FMO1: variants seen among roughly 807,000 people sequenced by gnomAD.
FMO1 encodes flavin-containing monooxygenase 1.
In FMO1, 36 loss-of-function variants were observed where a neutral mutation model predicts 45.4. That is an observed-to-expected ratio of 0.79 (90% CI 0.61 to 1.05). The LOEUF (loss-of-function observed/expected upper bound fraction) is 1.05. Ranked by LOEUF, FMO1 falls within the 50% of genes least tolerant of loss-of-function variation. FMO1 has a pLI of 0.00. For missense variants in FMO1, 615 were observed against 640.3 expected (o/e 0.96, Z 0.43); for synonymous variants, 228 against 227.2 (o/e 1.00, Z -0.03).
intron 2 of FMO1, among the ~76,000 whole-genome samples, chr1:171,260,271 G>A (rs940322598): frequency 1.4e-4 from 21 of 152,154 alleles, no homozygotes; most frequent in Non-Finnish European, 2.6e-4. Flanking sequence ...CCTGGTTGTC[G>A]CGTTTGTTTT....
chr1:171,277,917 A>G (rs1661176184), intron 4 of FMO1, among the ~76,000 whole-genome samples: 1 of 152,216 alleles, frequency 6.6e-6, no homozygotes, highest in African/African-American at 2.4e-5. Flanking sequence ...TTTTTTAGGA[A>G]AAAAGAAGTT....
intron 2 of FMO1, among the ~76,000 whole-genome samples, chr1:171,263,214 T>A (rs2101807870): frequency 6.6e-6 from 1 of 152,326 alleles, no homozygotes; most frequent in Admixed American, 6.5e-5. Flanking sequence ...GAGGCATTGT[T>A]CCATTAGTAC....
intron 1 of FMO1, among the ~76,000 whole-genome samples, chr1:171,253,548 G>A (rs1238751585): frequency 6.6e-6 from 1 of 152,026 alleles, no homozygotes; most frequent in African/African-American, 2.4e-5. Context: ...GATCACCTGA[G>A]GTCGGGAGTT....
At chr1:171,278,612 T>C (rs1369007848) in intron 4 of FMO1, 117 bp from the exon 5 acceptor site, 3 of 682,724 alleles carry the variant, frequency 4.4e-6, no homozygotes, top group Non-Finnish European at 4.8e-6. Flanking sequence ...AACTTGAGAA[T>C]ACTAGTAAAA....
intron 1 of FMO1, among the ~76,000 whole-genome samples, chr1:171,257,086 C>T (rs369856487): frequency 3.3e-5 from 5 of 152,318 alleles, no homozygotes; most frequent in South Asian, 2.1e-4. Flanking sequence ...TATTCTGAGA[C>T]GCCTTACATT....
In FMO1 at chr1:171,285,408, T is replaced by G; in HGVS notation, c.1463T>G (p.Ile488Ser). The G allele has an allele frequency of 6.2e-7, 1 of 1,613,250 alleles. No individual in the cohort carries two copies. ...AAATGGGAAGGAGCCAGAAATGCCA[T>G]CATGACCCAGTGGGACCGAACATTC... Reference protein sequence around the residue: ...PGKWEGARNAIMTQWDRTFKV... With the variant: ...PGKWEGARNASMTQWDRTFKV... Residue 488 changes from isoleucine (I) to serine (S), a missense_variant, in exon 9 of 9, where the codon ATC becomes AGC. Physicochemically the swap from Ile to Ser is moderately radical, Grantham distance 142. Coordinates refer to ENST00000617670, the MANE Select transcript of FMO1 (RefSeq NM_001282693.2).
chr1:171,265,989 A>G, intron 2 of FMO1, among the ~76,000 whole-genome samples: 1 of 152,326 alleles, frequency 6.6e-6, no homozygotes. Flanking sequence ...ATAGTGCTAC[A>G]TTTTTTTAAT....
At chr1:171,281,266 G>C (rs752672045) in intron 6 of FMO1, among the ~76,000 whole-genome samples, 3 of 152,194 alleles carry the variant, frequency 2.0e-5, no homozygotes, top group African/African-American at 4.8e-5. Context: ...TCACTGAGTA[G>C]TAAGTGAACT....
chr1:171,260,816 GC>G (rs1660346316), intron 2 of FMO1, among the ~76,000 whole-genome samples: 2 of 146,310 alleles, frequency 1.4e-5, no homozygotes, highest in African/African-American at 2.6e-5. Flanking sequence ...TGTAATCCCA[GC>G]TACTCAGGAG....
chr1:171,256,438 G>T (rs186705810), intron 1 of FMO1, among the ~76,000 whole-genome samples: 35 of 152,138 alleles, frequency 2.3e-4, no homozygotes, highest in Non-Finnish European at 1.2e-4. Flanking sequence ...CTTCACAACT[G>T]CCTCTCTAAA....
rs1333630067 is a variant in FMO1 at position 171,270,623 on chromosome 1, T to A, written c.321+2892T>A. On this transcript the variant is annotated intron_variant, in intron 3 of 8. Transcript: ENST00000617670. The stretch of plus-strand genomic sequence containing the variant: ...CAACAATTATTTCCTATAAGCTGCA[T>A]CAGAGACAGCTGAAGATGAAAAAAC... The A allele has an allele frequency of 5.0e-6, 5 of 996,066 alleles. No homozygotes were observed. The South Asian group carries it at 2.3e-4, about 45-fold the overall frequency. 61.7% of individuals were successfully genotyped at this position (996,066 alleles called of 1,614,324 possible).
rs559308229 is a variant in FMO1, at chr1:171,283,166, A to G, written c.1206A>G (p.Pro402=). The change falls in exon 8 of 9, where the codon CCA becomes CCG. Residue 402 remains proline (P), a synonymous_variant. Transcript: ENST00000617670. The stretch of plus-strand genomic sequence containing the variant: ...CAGGTGTAAATAAGTTACCACCACC[A>G]AGTGTCATGATAGAGGAAATTAATG... The part of the protein sequence containing the change: ...VLKGVNKLPP[P]SVMIEEINAR... 2.5e-5 allele frequency: 39 copies of G among 1,582,834 alleles called. No homozygotes were observed. The Admixed American group carries it at 4.8e-4, about 19-fold the overall frequency.
chr1:171,283,048 C>T (rs547821515), intron 7 of FMO1, 96 bp from the exon 8 acceptor site: 38 of 728,884 alleles, frequency 5.2e-5, no homozygotes, highest in Non-Finnish European at 6.1e-5. Flanking sequence ...TGGTACTAGA[C>T]GTGAAAGGAG....
rs770862345 is a variant in FMO1, at chr1:171,283,227, T to A, written c.1256+11T>A. 1 of 804,642 alleles carries A rather than the reference T, an allele frequency of 1.2e-6. No individual in the cohort carries two copies. The highest frequency in any genetic ancestry group is 1.7e-5 in the South Asian group (1 of 59,102). The allele number at this position is 804,642 out of a possible 1,614,324, so 49.8% of individuals were successfully genotyped here. ...AAACAAGCCCAGTTGGTAAGTTAAC[T>A]ACTTAATGCACCCTTTTTAAATTAT... On this transcript the variant is annotated intron_variant, in intron 8 of 8. Transcript: ENST00000617670.
intron 1 of FMO1, among the ~76,000 whole-genome samples, chr1:171,250,477 G>A (rs972464056): frequency 4.6e-5 from 7 of 152,114 alleles, no homozygotes; most frequent in Admixed American, 2.0e-4. Flanking sequence ...AATGACAGGC[G>A]TCACCTCATG....
At chr1:171,271,292 A>G in intron 3 of FMO1, 1 of 1,302,136 alleles carries the variant, frequency 7.7e-7, no homozygotes, top group Non-Finnish European at 1.1e-6. Flanking sequence ...AAAAAGGCTG[A>G]AGGAGGCCTC....
intron 3 of FMO1, among the ~76,000 whole-genome samples, chr1:171,273,817 A>G (rs1660978147): frequency 6.6e-6 from 1 of 152,196 alleles, no homozygotes; most frequent in Non-Finnish European, 1.5e-5. Context: ...GTTGCCAGGC[A>G]CAAGGCCATT....
intron 3 of FMO1, chr1:171,271,088 G>T: frequency 2.2e-6 from 2 of 923,312 alleles, no homozygotes; most frequent in Non-Finnish European, 3.5e-6. Context: ...GCTGCATCAG[G>T]CTTCCCTTTA....
intron 8 of FMO1, among the ~76,000 whole-genome samples, chr1:171,284,187 A>C (rs185585369): frequency 0.038 from 3,528 of 91,766 alleles, 63 homozygotes; most frequent in Non-Finnish European, 0.047. Flanking sequence ...AAAAAAAAAA[A>C]CAAAAAACAG....
Sources: gnomAD v4.1 joint callset for allele counts (sites outside exome capture counted in the v4.1 genomes callset) on GRCh38, gnomAD v4.1.1 for gene constraint, MANE v1.5 for transcripts, NCBI Gene and HGNC (gene_info 2026-07-23, HGNC 2026-07-21) for gene names.